AP1G1: variants seen among roughly 807,000 people sequenced by gnomAD.
AP1G1 encodes adaptor related protein complex 1 subunit gamma 1.
In AP1G1, 7 loss-of-function variants were observed where a neutral mutation model predicts 108.3. That is an observed-to-expected ratio of 0.06 (90% CI 0.04 to 0.12). AP1G1 has a LOEUF of 0.12. Ranked by LOEUF, AP1G1 falls within the 10% of genes least tolerant of loss-of-function variation. AP1G1 has a pLI of 1.00. For synonymous variants in AP1G1, 379 were observed against 353.5 expected, an observed-to-expected ratio of 1.07 and a Z score of -0.81; for missense variants, 756 against 1,010.7, an observed-to-expected ratio of 0.75 and a Z score of 3.42.
In AP1G1 at chr16:71,729,021, CTTT is replaced by C. The variant is rs1164899089; in HGVS notation, c.*4034_*4036del. ...CAAATTTTAAATCATTGGGTATTGACTTTTTATTATTAGTCACTGTTCATAATT... is the reference window on the plus strand; with the variant it reads ...CAAATTTTAAATCATTGGGTATTGACTTATTATTAGTCACTGTTCATAATT... On this transcript the variant is annotated 3_prime_UTR_variant, in exon 23 of 23. Transcript: ENST00000299980. 1 of 152,542 alleles carries C rather than the reference CTTT, an allele frequency of 6.6e-6. No homozygotes were observed. Among genetic ancestry groups the C allele is most frequent in the Non-Finnish European group, 1.5e-5 (1 of 68,032 alleles). The allele number at this position is 152,542 out of a possible 1,614,324, so 9.4% of individuals were successfully genotyped here.
At chr16:71,771,373 G>A (rs2145485274) in intron 4 of AP1G1, 121 bp from the exon 5 acceptor site, 1 of 597,452 alleles carries the variant, frequency 1.7e-6, no homozygotes, top group Non-Finnish European at 2.9e-6. Flanking sequence ...GAAAAATAAA[G>A]AAGGAAGAGG....
rs746880355 is a variant in AP1G1, at chr16:71,771,256, T to C, written c.469-4A>G. 7.1e-6 allele frequency: 8 copies of C among 1,134,040 alleles called. No homozygotes were observed. The South Asian group carries it at 1.4e-4, about 20-fold the overall frequency. 70.2% of individuals were successfully genotyped at this position (1,134,040 alleles called of 1,614,324 possible). ...CATGAACAGCACACAGTGCTGCCTA[T>C]GAAAAAAAAAATAAAAGAACAAAAG... is the stretch of plus-strand genomic sequence containing the variant. On this transcript the variant is annotated splice_region_variant and splice_polypyrimidine_tract_variant and intron_variant, in intron 4 of 22. Transcript: ENST00000299980.
chr16:71,804,578 T>C (rs113768344), intron 1 of AP1G1, among the ~76,000 whole-genome samples: 76,845 of 151,540 alleles, frequency 0.51, 19,839 homozygotes, highest in Middle Eastern at 0.65. Flanking sequence ...CGGCTAACTT[T>C]TGTATTTTTA....
chr16:71,753,244 C>T (rs941687074), intron 13 of AP1G1, among the ~76,000 whole-genome samples: 2 of 152,102 alleles, frequency 1.3e-5, no homozygotes, highest in Non-Finnish European at 2.9e-5. Flanking sequence ...TGCAAGAATG[C>T]CAAAGAAAGG....
At chr16:71,755,786 C>G (rs957178697) in intron 12 of AP1G1, among the ~76,000 whole-genome samples, 1 of 152,032 alleles carries the variant, frequency 6.6e-6, no homozygotes, top group Non-Finnish European at 1.5e-5. Flanking sequence ...GCTGGGACTA[C>G]AGGCGCGTGC....
chr16:71,750,992 T>C (rs2030467228), intron 13 of AP1G1, among the ~76,000 whole-genome samples: 2 of 151,188 alleles, frequency 1.3e-5, no homozygotes, highest in East Asian at 2.0e-4. Context: ...CCGTCTCTAC[T>C]AAAAATACAA....
intron 13 of AP1G1, 30 bp downstream of exon 13, chr16:71,753,803 C>T (rs1238188815): frequency 5.6e-6 from 9 of 1,598,846 alleles, no homozygotes; most frequent in East Asian, 2.2e-5. Context: ...CCCAGCACTT[C>T]GTATATGCTG....
chr16:71,779,379 C>A (rs1196279907), intron 2 of AP1G1, among the ~76,000 whole-genome samples: 1 of 150,196 alleles, frequency 6.7e-6, no homozygotes, highest in African/African-American at 2.5e-5. Flanking sequence ...ACTCTGACAC[C>A]CAGGCTGGAG....
At chr16:71,791,925 C>T (rs939823955) in intron 1 of AP1G1, among the ~76,000 whole-genome samples, 6 of 151,964 alleles carry the variant, frequency 3.9e-5, no homozygotes, top group African/African-American at 1.5e-4. Flanking sequence ...CCATGCTTGG[C>T]TAATTTTTGT....
intron 10 of AP1G1, among the ~76,000 whole-genome samples, chr16:71,760,788 C>A (rs1392981096): frequency 6.6e-6 from 1 of 152,110 alleles, no homozygotes; most frequent in African/African-American, 2.4e-5. Flanking sequence ...GGATCATGAT[C>A]TACCCATCTC....
intron 7 of AP1G1, among the ~76,000 whole-genome samples, chr16:71,765,005 T>C (rs1040201965): frequency 2.0e-5 from 3 of 152,236 alleles, no homozygotes; most frequent in African/African-American, 7.2e-5. Context: ...CCTGCAGAGC[T>C]ATATTAAATA....
intron 19 of AP1G1, among the ~76,000 whole-genome samples, chr16:71,739,647 G>C (rs898688758): frequency 3.3e-5 from 5 of 151,722 alleles, no homozygotes; most frequent in African/African-American, 1.2e-4. Flanking sequence ...AGCTACTTGG[G>C]AGACTGCAGT....
At chr16:71,768,771 C>A (rs2031431030) in intron 6 of AP1G1, among the ~76,000 whole-genome samples, 1 of 149,922 alleles carries the variant, frequency 6.7e-6, no homozygotes, top group South Asian at 2.1e-4. Context: ...AAAAATTAGC[C>A]AGGCGTGGTG....
At chr16:71,764,290 C>A in intron 9 of AP1G1, 60 bp downstream of exon 9, 1 of 992,610 alleles carries the variant, frequency 1.0e-6, no homozygotes, top group South Asian at 1.7e-5. Flanking sequence ...TACTGAAGTC[C>A]AAGTCAACCA....
intron 7 of AP1G1, 48 bp downstream of exon 7, chr16:71,765,441 G>T (rs751998885): frequency 1.5e-6 from 2 of 1,351,532 alleles, no homozygotes; most frequent in South Asian, 2.5e-5. Flanking sequence ...TCTACTTAAA[G>T]ATATTAAATT....
intron 2 of AP1G1, among the ~76,000 whole-genome samples, chr16:71,776,020 C>G (rs750262391): frequency 6.6e-6 from 1 of 152,156 alleles, no homozygotes; most frequent in Non-Finnish European, 1.5e-5. Context: ...ATTCAAAGTG[C>G]GTACACAAGA....
chr16:71,798,176 T>A (rs568868558), intron 1 of AP1G1, among the ~76,000 whole-genome samples: 1 of 152,140 alleles, frequency 6.6e-6, no homozygotes, highest in South Asian at 2.1e-4. Context: ...CTGGGTGCGG[T>A]GGCTCACGCC....
intron 21 of AP1G1, among the ~76,000 whole-genome samples, chr16:71,736,117 A>AAAAAAAAAAAAAATATATAT (rs1555550846): frequency 2.8e-5 from 2 of 71,622 alleles, no homozygotes; most frequent in African/African-American, 1.2e-4. Flanking sequence ...AAAAAAAAAA[A>AAAAAAAAAAAAAATATATAT]ATATATATAT....
chr16:71,761,606 G>A (rs1386753798), intron 9 of AP1G1, 39 bp from the exon 10 acceptor site: 1 of 1,468,780 alleles, frequency 6.8e-7, no homozygotes, highest in East Asian at 2.3e-5. Context: ...TAGGAAAATG[G>A]AAGTTTTATA....
Sources: gnomAD v4.1 joint callset for allele counts (sites outside exome capture counted in the v4.1 genomes callset) on GRCh38, gnomAD v4.1.1 for gene constraint, MANE v1.5 for transcripts, NCBI Gene and HGNC (gene_info 2026-07-23, HGNC 2026-07-21) for gene names.